The following GOLGA3 variants were observed in gnomAD, a reference collection of about 807,000 sequenced individuals.
GOLGA3 encodes golgin subfamily A member 3.
In GOLGA3, 75 loss-of-function variants were observed where a neutral mutation model predicts 169.4. The observed-to-expected ratio is 0.44, with a 90% CI of 0.37 to 0.54. GOLGA3 has a LOEUF of 0.54. Among genes scored for constraint, GOLGA3 ranks in the 20% least tolerant of loss-of-function variants. The probability of loss-of-function intolerance (pLI) is 0.00; values close to 1 mark genes in which losing one functional copy is unlikely to be tolerated. For missense variants in GOLGA3, 1,899 were observed against 1,930.0 expected, an observed-to-expected ratio of 0.98 and a Z score of 0.30; for synonymous variants, 824 against 822.4, an observed-to-expected ratio of 1.00 and a Z score of -0.03.
chr12:132,785,292 G>A (rs897692080), intron 15 of GOLGA3, among the ~76,000 whole-genome samples: 26 of 152,276 alleles, frequency 1.7e-4, no homozygotes, highest in African/African-American at 6.3e-4. Flanking sequence ...AAGCAACCAG[G>A]TGAGAGGAAG....
At chr12:132,820,490 AGTT>A (rs955304978) in intron 2 of GOLGA3, among the ~76,000 whole-genome samples, 3 of 152,188 alleles carry the variant, frequency 2.0e-5, no homozygotes, top group South Asian at 4.1e-4. Flanking sequence ...TGGGCCTCTA[AGTT>A]GTTATCTGCC....
At chr12:132,783,116 AACCTGGGAAGTGG>A (rs2045698142) in intron 16 of GOLGA3, among the ~76,000 whole-genome samples, 1 of 151,870 alleles carries the variant, frequency 6.6e-6, no homozygotes, top group Non-Finnish European at 1.5e-5. Context: ...AAATCACTTG[AACCTGGGAAGTGG>A]AGGCTGTGGT....
Position 132,782,287 on chromosome 12 carries a change from T to C in GOLGA3, c.3465+9A>G, listed in dbSNP as rs1222130540. Reference sequence around the variant, plus strand: ...CCGTTGCTGGCGTGAGTTTGACGAGTTTGAATACCTGAAGGTTCAACTGGA... The same window carrying C: ...CCGTTGCTGGCGTGAGTTTGACGAGCTTGAATACCTGAAGGTTCAACTGGA... On this transcript the variant is annotated intron_variant, in intron 17 of 23. Transcript: ENST00000450791. 3.1e-6 allele frequency: 5 copies of C among 1,610,730 alleles called. No homozygotes were observed. The highest frequency in any genetic ancestry group is 1.8e-4 in the Middle Eastern group (1 of 5,632).
intron 23 of GOLGA3, 144 bp from the exon 24 acceptor site, chr12:132,773,438 C>G: frequency 2.3e-6 from 1 of 434,368 alleles, no homozygotes; most frequent in Non-Finnish European, 4.0e-6. Flanking sequence ...CACAGAAGCT[C>G]AGCTGTTCTC....
Position 132,816,769 on chromosome 12 carries a change from A to G in GOLGA3, c.177T>C (p.Asp59=), listed in dbSNP as rs1219940766. ...GACAGAGGCCTCCCTGGCCAGGTCC[A>G]TCCGGGCTTTCCCCTTCCGTGGATG... ...NRASTEGESP[D]GPGQGGLCQN... is the part of the protein sequence containing the mutation. Residue 59 remains aspartate (D), a synonymous_variant, in exon 3 of 24, where the codon GAT becomes GAC. Coordinates refer to ENST00000450791, the MANE Select transcript of GOLGA3 (RefSeq NM_001389683.1). 6.2e-7 allele frequency: 1 copy of G among 1,610,224 alleles called. No homozygotes were observed.
chr12:132,810,810 G>A (rs9668874), intron 4 of GOLGA3, among the ~76,000 whole-genome samples: 147,008 of 152,318 alleles, frequency 0.97, 71,163 homozygotes, highest in East Asian at 1. Flanking sequence ...AGGGCCTGAC[G>A]TCAGTCAGGC....
At chr12:132,820,038 G>C (rs531762218) in intron 2 of GOLGA3, among the ~76,000 whole-genome samples, 1 of 152,184 alleles carries the variant, frequency 6.6e-6, no homozygotes, top group Non-Finnish European at 1.5e-5. Flanking sequence ...TTAGCTGGGC[G>C]TGGTGGCACA....
chr12:132,771,800 A>C lies in GOLGA3; in HGVS notation c.*1305T>G, dbSNP rs2044907426. On this transcript the variant is annotated 3_prime_UTR_variant, in exon 24 of 24. Transcript: ENST00000450791. ...ACCGCCTGCGACCTACACCTGGCTG[A>C]CTCCAGGGGAAACCGCGGGAGTCGC... The C allele has an allele frequency of 6.6e-6, 1 of 152,242 alleles. No individual in the cohort carries two copies. Among genetic ancestry groups the C allele is most frequent in the Non-Finnish European group, 1.5e-5 (1 of 68,058 alleles). The allele number at this position is 152,242 out of a possible 1,614,324, so 9.4% of individuals were successfully genotyped here.
chr12:132,788,937 A>AGGCCCCGCCCCAGACACG, intron 13 of GOLGA3, 90 bp downstream of exon 13: 4 of 631,028 alleles, frequency 6.3e-6, no homozygotes, highest in Admixed American at 4.0e-5. Context: ...CCCCAGACAC[A>AGGCCCCGCCCCAGACACG]GGCCCCGCCC....
intron 2 of GOLGA3, among the ~76,000 whole-genome samples, chr12:132,819,586 T>C (rs1950127174): frequency 6.6e-6 from 1 of 152,160 alleles, no homozygotes; most frequent in Non-Finnish European, 1.5e-5. Flanking sequence ...CAGCAGATAC[T>C]TACTGTCATG....
rs1308202653 is a variant in GOLGA3 at position 132,821,618 on chromosome 12, G to A, written c.133+378C>T. 3.0e-4 allele frequency among the ~76,000 whole-genome samples: 45 copies of A among 152,118 alleles called. 1 individual carries two copies. In the South Asian group the frequency reaches 3.3e-3, roughly 11 times the overall value. ...GTAATCCCAGCACTTTGAGGCTGAG[G>A]CTGAGGCGGGCGGATCACGAAGTCA... On this transcript the variant is annotated intron_variant, in intron 2 of 23. Coordinates refer to ENST00000450791, the MANE Select transcript of GOLGA3 (RefSeq NM_001389683.1).
intron 12 of GOLGA3, among the ~76,000 whole-genome samples, chr12:132,790,405 AAC>A (rs777852717): frequency 2.0e-4 from 31 of 152,144 alleles, no homozygotes; most frequent in Admixed American, 5.2e-4. Context: ...TCAGAAATAA[AAC>A]ACAGCAGCAC....
At chr12:132,775,327 T>C (rs2045165840) in intron 21 of GOLGA3, 22 bp from the exon 22 acceptor site, 1 of 1,588,730 alleles carries the variant, frequency 6.3e-7, no homozygotes, top group Non-Finnish European at 8.6e-7. Flanking sequence ...GAAGTCAGAT[T>C]TTTAAAAGCT....
In GOLGA3 at chr12:132,801,940, A is replaced by G; in HGVS notation, c.1627T>C (p.Leu543=). The stretch of plus-strand genomic sequence containing the variant: ...TGCACCTGCTGAAGCTGGCTCTGCA[A>G]GGCTGTCATCTGCTGTCGCAGGTCG... ...VHDLRQQMTA[L]QSQLQQVQLE... Residue 543 remains leucine, a synonymous_variant, in exon 8 of 24, where the codon TTG becomes CTG. Transcript: ENST00000450791. 1.2e-6 allele frequency: 2 copies of G among 1,600,422 alleles called. No homozygotes were observed. The highest frequency in any genetic ancestry group is 2.2e-5 in the South Asian group (2 of 91,082).
intron 13 of GOLGA3, among the ~76,000 whole-genome samples, chr12:132,788,419 T>G (rs2046039128): frequency 6.6e-6 from 1 of 152,206 alleles, no homozygotes; most frequent in Non-Finnish European, 1.5e-5. Flanking sequence ...CCTGGATGTC[T>G]GGACAGGATC....
intron 4 of GOLGA3, among the ~76,000 whole-genome samples, chr12:132,812,142 T>C (rs1949746327): frequency 6.6e-6 from 1 of 150,716 alleles, no homozygotes; most frequent in Non-Finnish European, 1.5e-5. Flanking sequence ...GGGCCAAGAC[T>C]GCACCACTAC....
intron 7 of GOLGA3, among the ~76,000 whole-genome samples, chr12:132,803,879 T>A (rs1186472006): frequency 6.6e-6 from 1 of 152,130 alleles, no homozygotes; most frequent in East Asian, 1.9e-4. Context: ...GGGAGGACTC[T>A]GGACCCGGGT....
intron 4 of GOLGA3, among the ~76,000 whole-genome samples, chr12:132,809,037 G>A (rs1949566003): frequency 6.6e-6 from 1 of 152,206 alleles, no homozygotes; most frequent in African/African-American, 2.4e-5. Flanking sequence ...TGGATACAAG[G>A]CAGAAGGGGC....
At chr12:132,806,085 G>A (rs1267951129) in intron 6 of GOLGA3, among the ~76,000 whole-genome samples, 1 of 152,150 alleles carries the variant, frequency 6.6e-6, no homozygotes, top group Non-Finnish European at 1.5e-5. Flanking sequence ...AGGCCTACAG[G>A]GGCAGGGATC....
Sources: allele counts gnomAD v4.1 joint callset (sites outside exome capture counted in the v4.1 genomes callset), GRCh38; gene constraint gnomAD v4.1.1; transcripts MANE v1.5; gene names NCBI Gene and HGNC (gene_info 2026-07-23, HGNC 2026-07-21).